Variants in OCA2 observed in about 807,000 individuals in gnomAD.
OCA2 encodes OCA2 melanosomal transmembrane protein, also known as P protein.
Under a neutral mutation model 100.2 loss-of-function variants are expected in OCA2, and 77 were observed. The ratio of observed to expected loss-of-function variants is 0.77; its 90% confidence interval spans 0.64 to 0.93. The LOEUF (loss-of-function observed/expected upper bound fraction) is 0.93, where lower values mean the gene tolerates loss of function less well. Ranked by LOEUF, OCA2 falls within the 40% of genes least tolerant of loss-of-function variation. The pLI, the probability that OCA2 is intolerant of heterozygous loss-of-function variation, is 0.00. For synonymous variants in OCA2, 432 were observed against 439.2 expected, an observed-to-expected ratio of 0.98 and a Z score of 0.21; for missense variants, 1,062 against 1,089.1, an observed-to-expected ratio of 0.98 and a Z score of 0.35.
rs537452955 is a variant in OCA2, at chr15:28,033,311, C to T, written c.228-1148G>A. On this transcript the variant is annotated intron_variant, in intron 2 of 23. Transcript: ENST00000354638. ...CAGGATCCCAGGCCAGGTAGAGATG[C>T]TGTAGATGCTATGAAACATTCACCT... Among the ~76,000 whole-genome samples the T allele has an allele frequency of 3.2e-4, 48 of 152,300 alleles. No homozygotes were observed. The South Asian group carries it at 9.1e-3, about 29-fold the overall frequency.
At chr15:27,936,451 T>C (rs1297840715) in intron 18 of OCA2, among the ~76,000 whole-genome samples, 1 of 152,226 alleles carries the variant, frequency 6.6e-6, no homozygotes, top group Admixed American at 6.5e-5. Flanking sequence ...AAAACTCCCA[T>C]TCTTTCTAGT....
chr15:27,794,569 A>G (rs540257253), intron 23 of OCA2, among the ~76,000 whole-genome samples: 58 of 152,166 alleles, frequency 3.8e-4, no homozygotes, highest in African/African-American at 1.3e-3. Context: ...CAGTAAATAC[A>G]CGTGTGCAGA....
chr15:27,989,549 G>A, intron 11 of OCA2, 52 bp downstream of exon 11: 6 of 1,483,740 alleles, frequency 4.0e-6, no homozygotes, highest in Non-Finnish European at 4.7e-6. Flanking sequence ...GCCAGAGAAG[G>A]CCCGGTTACC....
intron 14 of OCA2, among the ~76,000 whole-genome samples, chr15:27,972,233 T>C (rs1019868575): frequency 6.6e-6 from 1 of 152,232 alleles, no homozygotes. Flanking sequence ...TCAAATTTTC[T>C]TTATCCACTT....
intron 21 of OCA2, among the ~76,000 whole-genome samples, chr15:27,868,046 G>A (rs2036393286): frequency 1.3e-5 from 2 of 152,204 alleles, no homozygotes; most frequent in Admixed American, 6.5e-5. Flanking sequence ...TGGCTCCTGT[G>A]TGTCAGCAGG....
At chr15:27,779,941 C>A (rs1216799584) in intron 23 of OCA2, among the ~76,000 whole-genome samples, 1 of 151,998 alleles carries the variant, frequency 6.6e-6, no homozygotes, top group Non-Finnish European at 1.5e-5. Flanking sequence ...AAGAATTATA[C>A]CTATAGATGA....
chr15:27,928,823 G>A (rs142778266), intron 18 of OCA2, among the ~76,000 whole-genome samples: 4 of 152,088 alleles, frequency 2.6e-5, no homozygotes, highest in East Asian at 3.9e-4. Flanking sequence ...ATTTTTAAGG[G>A]CCCTTATGAT....
chr15:27,957,654 C>T lies in OCA2; in HGVS notation c.1718G>A (p.Arg573His), dbSNP rs761217860. The T allele has an allele frequency of 4.3e-6, 7 of 1,612,924 alleles. No homozygotes were observed. The highest frequency in any genetic ancestry group is 1.1e-5 in the South Asian group (1 of 91,076). ...TGCCAGCACCTTCCCCAGCAGCAGG[C>T]GGCGCACAGCTGTCTCCTCGCGGCT... ...PASREETAVR[R>H]LLLGKVLALE... Residue 573 changes from arginine (R) to histidine (H), a missense_variant, in exon 16 of 24, where the codon CGC becomes CAC. Physicochemically the swap from Arg to His is conservative, Grantham distance 29 (BLOSUM62 0). Coordinates refer to ENST00000354638, the MANE Select transcript of OCA2 (RefSeq NM_000275.3). The surrounding 1 kb of genome is among the most constrained non-coding windows in gnomAD (Gnocchi z 4.3).
At chr15:27,952,151 G>A (rs546724395) in intron 17 of OCA2, among the ~76,000 whole-genome samples, 92 of 152,340 alleles carry the variant, frequency 6.0e-4, no homozygotes, top group African/African-American at 2.2e-3. Context: ...CTGGCCGGCA[G>A]GTATCAGAGG....
chr15:28,036,797 T>G (rs959685217), intron 2 of OCA2, among the ~76,000 whole-genome samples: 48 of 152,188 alleles, frequency 3.2e-4, no homozygotes, highest in South Asian at 4.1e-4. Context: ...AGACAGTGGT[T>G]AGTGCAAATG....
chr15:28,038,366 C>T (rs576970561), intron 2 of OCA2, among the ~76,000 whole-genome samples: 2 of 152,296 alleles, frequency 1.3e-5, no homozygotes, highest in South Asian at 2.1e-4. Context: ...CACCCGTGTA[C>T]AGTCAGAGCC....
At chr15:27,743,593 G>A in the OCA2 span, among the ~76,000 whole-genome samples, 2 of 152,136 alleles carry the variant, frequency 1.3e-5, no homozygotes, top group Admixed American at 1.3e-4. Flanking sequence ...CTGCCCACGT[G>A]TCAGGCCCAG....
intron 2 of OCA2, among the ~76,000 whole-genome samples, chr15:28,077,195 G>T (rs903213250): frequency 1.3e-5 from 2 of 152,006 alleles, no homozygotes; most frequent in African/African-American, 4.8e-5. Context: ...GAGTAGCTGG[G>T]ATTATAGGCA....
chr15:27,913,868 AAAG>A (rs2038518064), intron 19 of OCA2, among the ~76,000 whole-genome samples: 2 of 55,434 alleles, frequency 3.6e-5, no homozygotes, highest in African/African-American at 1.6e-4. Flanking sequence ...AGAAAGAAAG[AAAG>A]AAAGAAAGAA....
intron 2 of OCA2, among the ~76,000 whole-genome samples, chr15:28,049,768 A>G (rs969631668): frequency 6.6e-6 from 1 of 152,218 alleles, no homozygotes; most frequent in Non-Finnish European, 1.5e-5. Flanking sequence ...AAATACAGAG[A>G]CAGAAAGGAA....
the OCA2 span, among the ~76,000 whole-genome samples, chr15:27,724,361 T>A: frequency 6.6e-6 from 1 of 152,110 alleles, no homozygotes; most frequent in African/African-American, 2.4e-5. Context: ...CCTGGTGGCC[T>A]TAATCATCAC....
At chr15:27,883,625 C>T (rs891558059) in intron 19 of OCA2, among the ~76,000 whole-genome samples, 17 of 152,174 alleles carry the variant, frequency 1.1e-4, no homozygotes, top group African/African-American at 3.4e-4. Flanking sequence ...GAGGAAAGGG[C>T]GCAGGGCTGC....
chr15:27,829,447 T>C (rs1011191287), intron 23 of OCA2, among the ~76,000 whole-genome samples: 8 of 152,168 alleles, frequency 5.3e-5, no homozygotes, highest in African/African-American at 1.7e-4. Context: ...TAGACTTCCT[T>C]GCACCTAAAG....
At chr15:27,881,929 C>T (rs1016080064) in intron 19 of OCA2, among the ~76,000 whole-genome samples, 9 of 152,098 alleles carry the variant, frequency 5.9e-5, no homozygotes, top group African/African-American at 1.9e-4. Context: ...GGTTTGTTTG[C>T]TCTTGGTTCT....
Sources: allele counts gnomAD v4.1 joint callset (sites outside exome capture counted in the v4.1 genomes callset), GRCh38; gene constraint gnomAD v4.1.1; non-coding constraint Gnocchi (gnomAD v3.1); transcripts MANE v1.5; gene names NCBI Gene and HGNC (gene_info 2026-07-23, HGNC 2026-07-21).